The following TAF4 variants were observed in gnomAD, a reference collection of about 807,000 sequenced individuals.
TAF4 encodes TATA-box binding protein associated factor 4.
TAF4 carries 9 observed loss-of-function variants against 90.3 expected under a neutral mutation model. That is an observed-to-expected ratio of 0.10 (90% CI 0.06 to 0.17). The LOEUF is 0.17. Among genes scored for constraint, TAF4 ranks in the 10% least tolerant of loss-of-function variants. TAF4 has a pLI of 1.00. For missense variants in TAF4, 1,351 were observed against 1,370.7 expected, an observed-to-expected ratio of 0.99 and a Z score of 0.23; for synonymous variants, 818 against 638.9, an observed-to-expected ratio of 1.28 and a Z score of -4.23.
intron 1 of TAF4, among the ~76,000 whole-genome samples, chr20:62,043,351 T>C (rs1221435855): frequency 6.6e-6 from 1 of 152,202 alleles, no homozygotes; most frequent in African/African-American, 2.4e-5. Context: ...CACAGCTGTA[T>C]AATGTGTTTG....
chr20:62,021,804 CAG>C (rs1238443917), intron 1 of TAF4, among the ~76,000 whole-genome samples: 3 of 151,536 alleles, frequency 2.0e-5, no homozygotes, highest in South Asian at 2.1e-4. Flanking sequence ...TTTTTTGAAA[CAG>C]AGTCTCACTT....
chr20:62,023,512 C>T (rs1044953513), intron 1 of TAF4, among the ~76,000 whole-genome samples: 2 of 152,074 alleles, frequency 1.3e-5, no homozygotes, highest in African/African-American at 2.4e-5. Context: ...CTTCGGAAGG[C>T]CGAGGCGGGG....
rs138383464 is a variant in TAF4 at position 62,064,061 on chromosome 20, A to AG, written c.1360+389dup. ...ACTCACAGCCCCAGGTACTGCCCTC[A>AG]GCTCTGCAGACCCCATCGCCTGGCC... is the stretch of plus-strand genomic sequence containing the variant. On this transcript the variant is annotated intron_variant, in intron 1 of 14. Coordinates refer to ENST00000252996, the MANE Select transcript of TAF4 (RefSeq NM_003185.4). 6.7e-3 allele frequency among the ~76,000 whole-genome samples: 1,023 copies of AG among 152,358 alleles called. 11 individuals are homozygous for AG. Among genetic ancestry groups the AG allele is most frequent in the African/African-American group, 0.023 (975 of 41,582 alleles).
chr20:62,010,117 C>G lies in TAF4; in HGVS notation c.1690G>C (p.Ala564Pro), dbSNP rs1429240007. The G allele has an allele frequency of 6.2e-7, 1 of 1,613,952 alleles. No homozygotes were observed. Among genetic ancestry groups the G allele is most frequent in the Non-Finnish European group, 8.5e-7 (1 of 1,180,024 alleles). ...GAAQTASLGT[A>P]TAVQTGTPQR... ...GGAGTCCCCGTCTGAACAGCCGTCG[C>G]CGTCCCAAGTGAAGCCGTCTGGGCA... is the stretch of plus-strand genomic sequence containing the variant. Residue 564 changes from alanine (A) to proline (P), a missense_variant, in exon 4 of 15, where the codon GCG (alanine) becomes CCG (proline). By Grantham distance (27) the Ala-to-Pro change is conservative (BLOSUM62 -1). Coordinates refer to ENST00000252996, the MANE Select transcript of TAF4 (RefSeq NM_003185.4). This position sits in a 1 kb window ranked among gnomAD's most constrained non-coding sequence, Gnocchi z 4.5.
intron 1 of TAF4, among the ~76,000 whole-genome samples, chr20:62,017,883 C>A (rs561049261): frequency 4.1e-5 from 6 of 147,450 alleles, no homozygotes; most frequent in Non-Finnish European, 4.5e-5. Context: ...GGAATACGTT[C>A]AAAAAAAAAA....
chr20:62,010,041 C>T lies in TAF4; in HGVS notation c.1761+5G>A, dbSNP rs1451595246. The stretch of plus-strand genomic sequence containing the variant: ...TTTGAAGGCACGGAAAGGAGTGGCT[C>T]TTACCGTGGCAGCTGAGGAAGTGGT... On this transcript the variant is annotated splice_donor_5th_base_variant and intron_variant, in intron 4 of 14. Transcript: ENST00000252996. The surrounding 1 kb of genome is among the most constrained non-coding windows in gnomAD (Gnocchi z 4.5). 6.2e-7 allele frequency: 1 copy of T among 1,613,022 alleles called. No individual in the cohort carries two copies. Among genetic ancestry groups the T allele is most frequent in the Non-Finnish European group, 8.5e-7 (1 of 1,179,942 alleles).
At chr20:62,013,425 A>G (rs577075355) in intron 2 of TAF4, among the ~76,000 whole-genome samples, 1 of 152,380 alleles carries the variant, frequency 6.6e-6, no homozygotes, top group Admixed American at 6.5e-5. Flanking sequence ...CTGACATGGA[A>G]AGAGCAGATG....
Position 62,065,492 on chromosome 20 carries a change from G to C in TAF4, c.319C>G (p.Pro107Ala). 1 of 970,900 alleles carries C rather than the reference G, an allele frequency of 1.0e-6. No individual in the cohort carries two copies. Among genetic ancestry groups the C allele is most frequent in the Non-Finnish European group, 1.2e-6 (1 of 819,982 alleles). The allele number at this position is 970,900 out of a possible 1,614,324, so 60.1% of individuals were successfully genotyped here. A position where few individuals can be genotyped will look rare whatever the true frequency, so the allele number is the denominator to read the frequency against. ...PGGGGPQRPGPPSPRRPLVPA... is the reference protein window; with the variant it reads ...PGGGGPQRPGAPSPRRPLVPA... ...ACAAGGGGGCGGCGCGGTGAGGGGG[G>C]GCCCGGGCGCTGCGGCCCCCCGCCC... Residue 107 changes from proline (P) to alanine (A), a missense_variant, in exon 1 of 15, where the codon CCC becomes GCC. Coordinates refer to ENST00000252996, the MANE Select transcript of TAF4 (RefSeq NM_003185.4).
chr20:61,984,044 G>GA (rs1416248548), intron 14 of TAF4, among the ~76,000 whole-genome samples: 1 of 152,178 alleles, frequency 6.6e-6, no homozygotes, highest in African/African-American at 2.4e-5. Context: ...GAGATGCGAC[G>GA]AGACAGAAAC....
At chr20:61,983,436 G>A (rs1820868670) in intron 14 of TAF4, among the ~76,000 whole-genome samples, 1 of 152,180 alleles carries the variant, frequency 6.6e-6, no homozygotes, top group African/African-American at 2.4e-5. Flanking sequence ...CAAGGCAGGA[G>A]GATTCCCTGA....
chr20:62,039,790 A>G (rs1287905269), intron 1 of TAF4, among the ~76,000 whole-genome samples: 1 of 152,226 alleles, frequency 6.6e-6, no homozygotes, highest in Non-Finnish European at 1.5e-5. Context: ...ACTCTTACTA[A>G]ATCAATAATG....
Position 62,010,021 on chromosome 20 carries a change from A to C in TAF4, c.1761+25T>G, listed in dbSNP as rs773672269. ...GCGCCACGGGCCTGACCGTCTTTGA[A>C]GGCACGGAAAGGAGTGGCTCTTACC... On this transcript the variant is annotated intron_variant, in intron 4 of 14. Coordinates refer to ENST00000252996, the MANE Select transcript of TAF4 (RefSeq NM_003185.4). This position sits in a 1 kb window ranked among gnomAD's most constrained non-coding sequence, Gnocchi z 4.5. 3.4e-4 allele frequency: 551 copies of C among 1,611,920 alleles called. No homozygotes were observed. Among genetic ancestry groups the C allele is most frequent in the Non-Finnish European group, 4.4e-4 (514 of 1,179,814 alleles).
chr20:62,044,490 C>G (rs898622114), intron 1 of TAF4, among the ~76,000 whole-genome samples: 9 of 152,020 alleles, frequency 5.9e-5, no homozygotes, highest in Non-Finnish European at 1.0e-4. Flanking sequence ...GGTAACATAA[C>G]CAACACAAAA....
intron 1 of TAF4, among the ~76,000 whole-genome samples, chr20:62,021,700 G>A (rs1285760129): frequency 2.0e-5 from 3 of 152,246 alleles, no homozygotes; most frequent in Non-Finnish European, 4.4e-5. Context: ...CCTCTGAGAG[G>A]CAGTTAAAAG....
At chr20:62,013,950 T>TGTGTGAGA (rs1491288481) in intron 2 of TAF4, among the ~76,000 whole-genome samples, 61 of 126,382 alleles carry the variant, frequency 4.8e-4, no homozygotes, top group African/African-American at 1.8e-3. Context: ...TGTGTGTGTG[T>TGTGTGAGA]GAATCCGTGC....
At chr20:62,034,921 C>T (rs904236640) in intron 1 of TAF4, among the ~76,000 whole-genome samples, 4 of 151,496 alleles carry the variant, frequency 2.6e-5, no homozygotes, top group African/African-American at 4.9e-5. Flanking sequence ...CCCGGGTTCA[C>T]GCCATTCTCC....
intron 1 of TAF4, among the ~76,000 whole-genome samples, chr20:62,060,291 G>C (rs1048560865): frequency 6.6e-6 from 1 of 152,238 alleles, no homozygotes; most frequent in African/African-American, 2.4e-5. Flanking sequence ...CTAAGAACCA[G>C]GGCAACCGTA....
intron 1 of TAF4, among the ~76,000 whole-genome samples, chr20:62,060,580 C>T (rs1256245900): frequency 6.6e-6 from 1 of 152,256 alleles, no homozygotes; most frequent in Non-Finnish European, 1.5e-5. Flanking sequence ...CCCAGAGCGG[C>T]GCCCTTGCCC....
intron 1 of TAF4, among the ~76,000 whole-genome samples, chr20:62,026,830 T>A (rs1186103347): frequency 6.6e-6 from 1 of 152,210 alleles, no homozygotes; most frequent in Non-Finnish European, 1.5e-5. Context: ...CTAGGATTTA[T>A]CCTTATTCCT....
Sources: gnomAD v4.1 joint callset for allele counts (sites outside exome capture counted in the v4.1 genomes callset) on GRCh38, gnomAD v4.1.1 for gene constraint, Gnocchi (gnomAD v3.1) non-coding constraint, MANE v1.5 for transcripts, NCBI Gene and HGNC (gene_info 2026-07-23, HGNC 2026-07-21) for gene names.